The following VIPR2 variants were observed in gnomAD, a reference collection of about 807,000 sequenced individuals.
The protein encoded by VIPR2 is vasoactive intestinal polypeptide receptor 2.
VIPR2 carries 48 observed loss-of-function variants against 58.0 expected under a neutral mutation model. That is an observed-to-expected ratio of 0.83 (90% CI 0.66 to 1.05). VIPR2 has a LOEUF of 1.05. VIPR2 is among the 50% of genes least tolerant of loss of function. VIPR2 has a pLI of 0.00. For missense variants in VIPR2, 534 were observed against 558.0 expected (o/e 0.96, Z 0.43); for synonymous variants, 243 against 235.2 (o/e 1.03, Z -0.30).
rs1796740859 is a variant in VIPR2, at chr7:159,128,533, C to T, written c.151+13913G>A. Among the ~76,000 whole-genome samples the T allele has an allele frequency of 6.6e-6, 1 of 152,104 alleles. No homozygotes were observed. Among genetic ancestry groups the T allele is most frequent in the African/African-American group, 2.4e-5 (1 of 41,440 alleles). ...CCTCCCTCCAGCAGCTTTGGCAGTC[C>T]CTACCAGAGGCACTTTCCTCGCCTC... On this transcript the variant is annotated intron_variant, in intron 2 of 12. Coordinates refer to ENST00000262178, the MANE Select transcript of VIPR2 (RefSeq NM_003382.5). This position sits in a 1 kb window ranked among gnomAD's most constrained non-coding sequence, Gnocchi z 4.1.
At chr7:159,130,700 C>G (rs1476807530) in intron 2 of VIPR2, among the ~76,000 whole-genome samples, 1 of 152,220 alleles carries the variant, frequency 6.6e-6, no homozygotes, top group African/African-American at 2.4e-5. Context: ...TCCCACATGG[C>G]GTGGCCGGCA....
chr7:159,139,429 G>A (rs753608378), intron 2 of VIPR2, among the ~76,000 whole-genome samples: 1 of 152,308 alleles, frequency 6.6e-6, no homozygotes, highest in Non-Finnish European at 1.5e-5. Context: ...GCTGTGAACA[G>A]CAAGTCTCTT....
chr7:159,075,767 C>T (rs1000062169), intron 4 of VIPR2, among the ~76,000 whole-genome samples: 11 of 143,420 alleles, frequency 7.7e-5, no homozygotes, highest in East Asian at 4.2e-4. Context: ...AGCCCAGGGC[C>T]GGCACCCACG....
intron 4 of VIPR2, among the ~76,000 whole-genome samples, chr7:159,061,050 C>T (rs906035059): frequency 1.3e-5 from 2 of 152,172 alleles, no homozygotes; most frequent in African/African-American, 4.8e-5. Flanking sequence ...TATTACGCAG[C>T]CACAAAGACT....
chr7:159,051,057 T>G (rs527721882), intron 5 of VIPR2, among the ~76,000 whole-genome samples: 2 of 152,186 alleles, frequency 1.3e-5, no homozygotes, highest in African/African-American at 4.8e-5. Flanking sequence ...CAACCAAAAC[T>G]CATAAGAATT....
intron 1 of VIPR2, among the ~76,000 whole-genome samples, chr7:159,143,366 TC>T (rs1424561158): frequency 1.3e-5 from 2 of 151,840 alleles, no homozygotes; most frequent in African/African-American, 2.4e-5. Context: ...GTCTTGATCT[TC>T]CCCCTCCCCC....
At chr7:159,035,305 AG>A (rs1414638038) in intron 8 of VIPR2, among the ~76,000 whole-genome samples, 5 of 152,202 alleles carry the variant, frequency 3.3e-5, no homozygotes, top group Admixed American at 6.5e-5. Context: ...AAGGGGACCA[AG>A]GGGAACCAGT....
chr7:159,065,542 T>A (rs1412137876), intron 4 of VIPR2, among the ~76,000 whole-genome samples: 1 of 152,222 alleles, frequency 6.6e-6, no homozygotes, highest in African/African-American at 2.4e-5. Flanking sequence ...GTTTTATCCT[T>A]GGCGTGTGCC....
chr7:159,097,094 G>T lies in VIPR2; in HGVS notation c.357+6663C>A. 6.6e-7 allele frequency: 1 copy of T among 1,516,952 alleles called. No individual in the cohort carries two copies. The highest frequency in any genetic ancestry group is 8.9e-7 in the Non-Finnish European group (1 of 1,125,872). 94.0% of individuals were successfully genotyped at this position (1,516,952 alleles called of 1,614,324 possible). Reference sequence around the variant, plus strand: ...TGGGAGGCTGGTGTGTCCTTGCAGGGTTGCAGGAGGGTTGGCGGGATGATC... The same window carrying T: ...TGGGAGGCTGGTGTGTCCTTGCAGGTTTGCAGGAGGGTTGGCGGGATGATC... On this transcript the variant is annotated intron_variant, in intron 4 of 12. Transcript: ENST00000262178. The surrounding 1 kb of genome is among the most constrained non-coding windows in gnomAD (Gnocchi z 5.3).
intron 4 of VIPR2, among the ~76,000 whole-genome samples, chr7:159,062,737 G>A (rs545020710): frequency 2.0e-5 from 3 of 152,260 alleles, no homozygotes; most frequent in South Asian, 2.1e-4. Flanking sequence ...CACATAAGGA[G>A]ACCCAGTGAA....
In VIPR2 at chr7:159,080,412, C is replaced by T. The variant is rs545601737; in HGVS notation, c.358-21834G>A. 1.2e-3 allele frequency among the ~76,000 whole-genome samples: 188 copies of T among 152,286 alleles called. 10 individuals are homozygous for T. The South Asian group carries it at 0.038, about 31-fold the overall frequency. ...TGCAGAAAAGGCCTTTGACAAAATT[C>T]AACAACCCTTCATGTTAAAAACTCT... On this transcript the variant is annotated intron_variant, in intron 4 of 12. Transcript: ENST00000262178.
At position 159,093,751 on chromosome 7, in the gene VIPR2, G is replaced by C. The variant is rs1857641749; in HGVS notation, c.357+10006C>G. Among the ~76,000 whole-genome samples, 1 of 151,232 alleles carries C rather than the reference G, an allele frequency of 6.6e-6. No homozygotes were observed. Among genetic ancestry groups the C allele is most frequent in the Non-Finnish European group, 1.5e-5 (1 of 67,786 alleles). On this transcript the variant is annotated intron_variant, in intron 4 of 12. Transcript: ENST00000262178. The surrounding 1 kb of genome is among the most constrained non-coding windows in gnomAD (Gnocchi z 6.7). ...CATGGGAGACCCCGCAGCGTCCCTG[G>C]GTCCGGAGATGGGAGACCCCGCAGC...
At chr7:159,054,979 T>C (rs943866033) in intron 5 of VIPR2, among the ~76,000 whole-genome samples, 2 of 152,174 alleles carry the variant, frequency 1.3e-5, no homozygotes, top group African/African-American at 4.8e-5. Flanking sequence ...TATACACACA[T>C]ACCTAAAGTA....
intron 10 of VIPR2, among the ~76,000 whole-genome samples, chr7:159,033,747 G>A (rs1283813340): frequency 6.6e-6 from 1 of 152,136 alleles, no homozygotes; most frequent in African/African-American, 2.4e-5. Context: ...CCATGTCTGA[G>A]GGGGAGACAG....
At position 159,030,041 on chromosome 7, in the gene VIPR2, C is replaced by A. The variant is rs1254256745; in HGVS notation, c.*575G>T. On this transcript the variant is annotated 3_prime_UTR_variant, in exon 13 of 13. Transcript: ENST00000262178. ...CCACACAACTGCGTTTCCACATTTCCTCCTTGGCTCCCCTATTCTCTTGGG... is the reference window on the plus strand; with the variant it reads ...CCACACAACTGCGTTTCCACATTTCATCCTTGGCTCCCCTATTCTCTTGGG... 1 of 152,336 alleles carries A rather than the reference C, an allele frequency of 6.6e-6. No individual in the cohort carries two copies. Among genetic ancestry groups the A allele is most frequent in the East Asian group, 1.9e-4 (1 of 5,178 alleles). The allele number at this position is 152,336 out of a possible 1,614,324, so 9.4% of individuals were successfully genotyped here.
intron 2 of VIPR2, among the ~76,000 whole-genome samples, chr7:159,131,352 T>C (rs1448774992): frequency 6.6e-6 from 1 of 152,194 alleles, no homozygotes; most frequent in Non-Finnish European, 1.5e-5. Flanking sequence ...ATCATGTCAA[T>C]TACAAGCTTG....
intron 2 of VIPR2, among the ~76,000 whole-genome samples, chr7:159,140,960 C>A (rs1034390367): frequency 6.6e-6 from 1 of 152,080 alleles, no homozygotes; most frequent in Non-Finnish European, 1.5e-5. Context: ...GTATTGTTTG[C>A]AAACTTTTAA....
chr7:159,082,641 G>A (rs974221923), intron 4 of VIPR2, among the ~76,000 whole-genome samples: 3 of 152,218 alleles, frequency 2.0e-5, no homozygotes, highest in Non-Finnish European at 4.4e-5. Context: ...GTTTCTATGA[G>A]AGAGCAGCAT....
At chr7:159,065,923 C>G (rs947195994) in intron 4 of VIPR2, among the ~76,000 whole-genome samples, 5 of 152,230 alleles carry the variant, frequency 3.3e-5, no homozygotes, top group African/African-American at 1.2e-4. Flanking sequence ...GGTTTGACCT[C>G]CCCTGAGACA....
Sources: gnomAD v4.1 joint callset for allele counts (sites outside exome capture counted in the v4.1 genomes callset) on GRCh38, gnomAD v4.1.1 for gene constraint, Gnocchi (gnomAD v3.1) non-coding constraint, MANE v1.5 for transcripts, NCBI Gene and HGNC (gene_info 2026-07-23, HGNC 2026-07-21) for gene names.